The following SLC26A4 variants were observed in gnomAD, a reference collection of about 807,000 sequenced individuals.
The protein encoded by SLC26A4 is solute carrier family 26 member 4.
SLC26A4 carries 93 observed loss-of-function variants against 90.4 expected under a neutral mutation model. That is an observed-to-expected ratio of 1.03 (90% confidence interval 0.87 to 1.22). The LOEUF (loss-of-function observed/expected upper bound fraction) is 1.22, where lower values mean the gene tolerates loss of function less well. Ranked by LOEUF, SLC26A4 falls within the 50% of genes most tolerant of loss-of-function variation. The pLI is 0.00. For synonymous variants in SLC26A4, 393 were observed against 354.6 expected (o/e 1.11, Z -1.22); for missense variants, 1,127 against 946.2 (o/e 1.19, Z -2.51).
rs576676209 is a variant in SLC26A4 at position 107,703,946 on chromosome 7, C to A, written c.2035-385C>A. On this transcript the variant is annotated intron_variant, in intron 17 of 20. Coordinates refer to ENST00000644269, the MANE Select transcript of SLC26A4 (RefSeq NM_000441.2). Reference sequence around the variant, plus strand: ...AAAATCACAGTAGGACACTGACATTCAAAATAGAGGCCTTGACTTTTAGGT... The same window carrying A: ...AAAATCACAGTAGGACACTGACATTAAAAATAGAGGCCTTGACTTTTAGGT... Among the ~76,000 whole-genome samples the A allele has an allele frequency of 3.9e-5, 6 of 152,278 alleles. No homozygotes were observed. The South Asian group carries it at 1.2e-3, about 32-fold the overall frequency.
At chr7:107,683,812 A>G (rs1276576145) in intron 8 of SLC26A4, among the ~76,000 whole-genome samples, 2 of 152,178 alleles carry the variant, frequency 1.3e-5, no homozygotes, top group Non-Finnish European at 2.9e-5. Context: ...CCTGATTTAA[A>G]CTTATACATA....
rs1790884822 is a variant in SLC26A4, at chr7:107,672,127, T to C, written c.305-11T>C. ...GGTTTGTGAATGTAATCACTTTGCA[T>C]GTGCTTTCAGGGATGGCATATGCCC... On this transcript the variant is annotated splice_polypyrimidine_tract_variant and intron_variant, in intron 3 of 20. Coordinates refer to ENST00000644269, the MANE Select transcript of SLC26A4 (RefSeq NM_000441.2). The C allele has an allele frequency of 1.9e-6, 3 of 1,550,720 alleles. No individual in the cohort carries two copies. The highest frequency in any genetic ancestry group is 1.7e-5 in the Admixed American group (1 of 59,922).
intron 9 of SLC26A4, among the ~76,000 whole-genome samples, 197 bp from the exon 10 acceptor site, chr7:107,689,927 C>T (rs569615766): frequency 2.6e-5 from 4 of 152,132 alleles, no homozygotes; most frequent in Non-Finnish European, 4.4e-5. Flanking sequence ...GCAATGAGAC[C>T]TCTCTCAGAT....
At chr7:107,678,192 G>A (rs1791077626) in intron 6 of SLC26A4, among the ~76,000 whole-genome samples, 1 of 152,126 alleles carries the variant, frequency 6.6e-6, no homozygotes, top group Admixed American at 6.5e-5. Context: ...TCCATCAAAT[G>A]TTCACTCATT....
chr7:107,714,319 C>A (rs1347855720), intron 20 of SLC26A4, among the ~76,000 whole-genome samples: 2 of 152,142 alleles, frequency 1.3e-5, no homozygotes, highest in Non-Finnish European at 2.9e-5. Context: ...GCCTTCTCTG[C>A]CTTTTTCTAG....
intron 3 of SLC26A4, among the ~76,000 whole-genome samples, chr7:107,667,152 G>A (rs1790737693): frequency 6.6e-6 from 1 of 152,050 alleles, no homozygotes; most frequent in African/African-American, 2.4e-5. Flanking sequence ...TGAGACACAG[G>A]GTGAGACATC....
At chr7:107,670,298 G>C (rs996729447) in intron 3 of SLC26A4, among the ~76,000 whole-genome samples, 1 of 151,640 alleles carries the variant, frequency 6.6e-6, no homozygotes, top group East Asian at 1.9e-4. Context: ...TAGTAGAGAC[G>C]GGGTTTCACC....
intron 12 of SLC26A4, 135 bp from the exon 13 acceptor site, chr7:107,695,798 G>C (rs1306451424): frequency 1.5e-6 from 1 of 669,582 alleles, no homozygotes; most frequent in East Asian, 2.8e-5. Context: ...GGGCAATAGA[G>C]TGTGACCCTA....
intron 19 of SLC26A4, among the ~76,000 whole-genome samples, chr7:107,711,124 C>T (rs145112213): frequency 1.5e-3 from 219 of 148,496 alleles, no homozygotes; most frequent in African/African-American, 5.2e-3. Context: ...TCCTAACTAC[C>T]AAGCTGTGGA....
At chr7:107,675,285 T>TAAAAAAAAAAAAAAAAA (rs60022317) in intron 6 of SLC26A4, among the ~76,000 whole-genome samples, 176 bp downstream of exon 6, 1 of 96,788 alleles carries the variant, frequency 1.0e-5, no homozygotes, top group African/African-American at 4.0e-5. Flanking sequence ...CCTCATCTCT[T>TAAAAAAAAAAAAAAAAA]AAAAAAAAAA....
rs727503426 is a variant in SLC26A4 at position 107,694,611 on chromosome 7, C to T, written c.1342-10C>T. ...CTGAATAACACAGCCTTCTCTGTCT[C>T]TCTTGGCAGTCGGTCTTGGCAGCTG... is the stretch of plus-strand genomic sequence containing the variant. On this transcript the variant is annotated splice_polypyrimidine_tract_variant and intron_variant, in intron 11 of 20. Transcript: ENST00000644269. The T allele has an allele frequency of 2.5e-6, 4 of 1,605,262 alleles. No individual in the cohort carries two copies. Among genetic ancestry groups the T allele is most frequent in the African/African-American group, 2.7e-5 (2 of 74,750 alleles).
intron 6 of SLC26A4, among the ~76,000 whole-genome samples, chr7:107,679,957 A>C (rs1461699463): frequency 3.2e-5 from 4 of 124,018 alleles, no homozygotes; most frequent in East Asian, 2.2e-4. Flanking sequence ...CTTATATAAT[A>C]TAATCTTATT....
rs1791843478 is a variant in SLC26A4 at position 107,700,077 on chromosome 7, T to C, written c.1615-6T>C. Reference sequence around the variant, plus strand: ...TTTAATCCCAGACAATTTCTTTTAATGCCAGATTGAAGAACCTCAAGGAGT... The same window carrying C: ...TTTAATCCCAGACAATTTCTTTTAACGCCAGATTGAAGAACCTCAAGGAGT... On this transcript the variant is annotated splice_polypyrimidine_tract_variant and splice_region_variant and intron_variant, in intron 14 of 20. Transcript: ENST00000644269. The C allele has an allele frequency of 6.9e-7, 1 of 1,458,762 alleles. No individual in the cohort carries two copies. Among genetic ancestry groups the C allele is most frequent in the Non-Finnish European group, 9.6e-7 (1 of 1,038,428 alleles). The allele number at this position is 1,458,762 out of a possible 1,614,324, so 90.4% of individuals were successfully genotyped here.
At chr7:107,700,364 A>T (rs1791855302) in intron 15 of SLC26A4, among the ~76,000 whole-genome samples, 189 bp downstream of exon 15, 1 of 152,220 alleles carries the variant, frequency 6.6e-6, no homozygotes, top group Non-Finnish European at 1.5e-5. Context: ...TTAAAAAAAC[A>T]CATATGTTAA....
At chr7:107,699,746 T>C (rs1309197393) in intron 14 of SLC26A4, among the ~76,000 whole-genome samples, 3 of 151,966 alleles carry the variant, frequency 2.0e-5, no homozygotes, top group Non-Finnish European at 2.9e-5. Context: ...CTGGCCAATG[T>C]GGCAAAACTC....
At chr7:107,677,039 T>C (rs1791040734) in intron 6 of SLC26A4, among the ~76,000 whole-genome samples, 2 of 152,064 alleles carry the variant, frequency 1.3e-5, no homozygotes, top group African/African-American at 4.8e-5. Flanking sequence ...TAGACATGCA[T>C]TGTGGCACGC....
In SLC26A4 at chr7:107,716,921, C is replaced by G. The variant is rs1458846882; in HGVS notation, c.*1475C>G. On this transcript the variant is annotated 3_prime_UTR_variant, in exon 21 of 21. Transcript: ENST00000644269. ...ACAACCAGAAACAATGTGTCTATTT[C>G]TGAAAGAATAGGATTAATGATCATA... 1.3e-5 allele frequency: 2 copies of G among 152,148 alleles called. No homozygotes were observed. The highest frequency in any genetic ancestry group is 4.8e-5 in the African/African-American group (2 of 41,416). 9.4% of individuals were successfully genotyped at this position (152,148 alleles called of 1,614,324 possible).
chr7:107,686,294 ACCTTCCCTCCCTTCCCTC>A (rs143524153), intron 8 of SLC26A4, among the ~76,000 whole-genome samples: 1 of 106,952 alleles, frequency 9.3e-6, no homozygotes, highest in African/African-American at 3.8e-5. Context: ...TCCCTTTCCT[ACCTTCCCTCCCTTCCCTC>A]CCTTCCCTCC....
intron 19 of SLC26A4, among the ~76,000 whole-genome samples, chr7:107,710,550 A>C (rs1038745697): frequency 4.6e-5 from 7 of 152,232 alleles, no homozygotes; most frequent in South Asian, 2.1e-4. Context: ...AATTCCACTT[A>C]AATTCTCAGC....
Sources: allele counts gnomAD v4.1 joint callset (sites outside exome capture counted in the v4.1 genomes callset), GRCh38; gene constraint gnomAD v4.1.1; transcripts MANE v1.5; gene names NCBI Gene and HGNC (gene_info 2026-07-23, HGNC 2026-07-21).